HOXA6: variants seen among roughly 807,000 people sequenced by gnomAD.
HOXA6 encodes homeobox protein Hox-A6.
In HOXA6, 19 loss-of-function variants were observed where a neutral mutation model predicts 23.2. The ratio of observed to expected loss-of-function variants is 0.82; its 90% CI spans 0.57 to 1.20. The LOEUF (loss-of-function observed/expected upper bound fraction) is 1.20, where lower values mean the gene tolerates loss of function less well. Among genes scored for constraint, HOXA6 ranks in the 50% most tolerant of loss-of-function variants. The probability of loss-of-function intolerance (pLI) is 0.00; values close to 1 mark genes in which losing one functional copy is unlikely to be tolerated. For missense variants in HOXA6, 346 were observed against 313.6 expected (o/e 1.10, Z -0.78); for synonymous variants, 140 against 132.6 (o/e 1.06, Z -0.38).
intron 1 of HOXA6, chr7:27,147,060 G>A: frequency 1.8e-6 from 1 of 559,868 alleles, no homozygotes; most frequent in Non-Finnish European, 3.2e-6. Flanking sequence ...TCATATACGT[G>A]CCAGTGCCCC....
intron 1 of HOXA6, among the ~76,000 whole-genome samples, chr7:27,146,705 A>G (rs1266763718): frequency 6.6e-6 from 1 of 152,122 alleles, no homozygotes; most frequent in African/African-American, 2.4e-5. Context: ...AGACAGGTGT[A>G]TGAAGCTCAG....
At chr7:27,146,954 T>G (rs983952328) in intron 1 of HOXA6, among the ~76,000 whole-genome samples, 1 of 152,162 alleles carries the variant, frequency 6.6e-6, no homozygotes, top group African/African-American at 2.4e-5. Context: ...AAAGGCCCTC[T>G]GGCTTGGGAA....
chr7:27,147,142 C>G lies in HOXA6; in HGVS notation c.442+166G>C, dbSNP rs1170371041. On this transcript the variant is annotated intron_variant, in intron 1 of 1. Coordinates refer to ENST00000222728, the MANE Select transcript of HOXA6 (RefSeq NM_024014.4). ...CTTCCTCTGCCATGGCCTGATAGCCCCATTGGGAACTGATTTTTTCTTCTC... is the reference window on the plus strand; with the variant it reads ...CTTCCTCTGCCATGGCCTGATAGCCGCATTGGGAACTGATTTTTTCTTCTC... 4.3e-6 allele frequency: 3 copies of G among 704,464 alleles called. No homozygotes were observed. The East Asian group carries it at 8.1e-5, about 19-fold the overall frequency. The allele number at this position is 704,464 out of a possible 1,614,324, so 43.6% of individuals were successfully genotyped here.
intron 1 of HOXA6, among the ~76,000 whole-genome samples, chr7:27,146,504 A>AT (rs370658712): frequency 2.9e-4 from 44 of 152,206 alleles, no homozygotes; most frequent in African/African-American, 9.7e-4. Context: ...AAACATTATA[A>AT]TTTTAACAAT....
rs1782721690 is a variant in HOXA6, at chr7:27,145,452, GT to G, written c.*205del. ...TGGTATTGGCTGTGTGTGAGGTTTT[GT>G]TTTGTTTTGTTTTGTTTTGTTTTGT... On this transcript the variant is annotated 3_prime_UTR_variant, in exon 2 of 2. Coordinates refer to ENST00000222728, the MANE Select transcript of HOXA6 (RefSeq NM_024014.4). The G allele has an allele frequency of 7.2e-6, 4 of 557,884 alleles. No individual in the cohort carries two copies. Among genetic ancestry groups the G allele is most frequent in the East Asian group, 2.8e-5 (1 of 35,388 alleles). The allele number at this position is 557,884 out of a possible 1,614,324, so 34.6% of individuals were successfully genotyped here. A position where few individuals can be genotyped will look rare whatever the true frequency, so the allele number is the denominator to read the frequency against.
chr7:27,147,378 A>C lies in HOXA6; in HGVS notation c.372T>G (p.His124Gln). The C allele has an allele frequency of 2.5e-6, 4 of 1,614,096 alleles. No homozygotes were observed. The highest frequency in any genetic ancestry group is 3.4e-6 in the Non-Finnish European group (4 of 1,180,018). Residue 124 changes from histidine (H) to glutamine (Q), a missense_variant, in exon 1 of 2, where the codon CAT (histidine) becomes CAG (glutamine). Transcript: ENST00000222728. ...TGTACTTCCGGTCGGCGCCTTCGTCATGGAGTGCTTTGCCCTGCCCGCTGC... is the reference window on the plus strand; with the variant it reads ...TGTACTTCCGGTCGGCGCCTTCGTCCTGGAGTGCTTTGCCCTGCCCGCTGC... The part of the protein sequence containing the change: ...DSSSGQGKAL[H>Q]DEGADRKYTS...
chr7:27,145,930 A>T lies in HOXA6; in HGVS notation c.443-13T>A, dbSNP rs753066543. On this transcript the variant is annotated splice_polypyrimidine_tract_variant and intron_variant, in intron 1 of 1. Transcript: ENST00000222728. Reference sequence around the variant, plus strand: ...CCATACACAGCACCTACGAGCAGAAACGGCCGGGCGCCGGTAAGCCAGGGC... The same window carrying T: ...CCATACACAGCACCTACGAGCAGAATCGGCCGGGCGCCGGTAAGCCAGGGC... 9.9e-6 allele frequency: 16 copies of T among 1,608,740 alleles called. No individual in the cohort carries two copies. The highest frequency in any genetic ancestry group is 1.2e-5 in the Non-Finnish European group (14 of 1,177,730).
Position 27,145,634 on chromosome 7 carries a change from C to T in HOXA6, c.*24G>A. ...GGCAAAGCCGAAGGAGGTTGCAGCG[C>T]TGGCCTGGTCCCTGCCCAGGCATCT... On this transcript the variant is annotated 3_prime_UTR_variant, in exon 2 of 2. Transcript: ENST00000222728. 6.2e-7 allele frequency: 1 copy of T among 1,605,678 alleles called. No individual in the cohort carries two copies. The highest frequency in any genetic ancestry group is 2.2e-5 in the East Asian group (1 of 44,800).
In HOXA6 at chr7:27,147,385, G is replaced by A. The variant is rs1174205325; in HGVS notation, c.365C>T (p.Ala122Val). The change falls in exon 1 of 2, where the codon GCA (alanine) becomes GTA (valine). Residue 122 changes from alanine (A) to valine (V), a missense_variant. Transcript: ENST00000222728. ...KPDSSSGQGK[A>V]LHDEGADRKY... ...CCGGTCGGCGCCTTCGTCATGGAGT[G>A]CTTTGCCCTGCCCGCTGCTGCTGTC... 6.2e-7 allele frequency: 1 copy of A among 1,614,088 alleles called. No individual in the cohort carries two copies. The highest frequency in any genetic ancestry group is 8.5e-7 in the Non-Finnish European group (1 of 1,180,046).
At position 27,145,692 on chromosome 7, in the gene HOXA6, C is replaced by T; in HGVS notation, c.668G>A (p.Ser223Asn). 2.5e-6 allele frequency: 4 copies of T among 1,614,174 alleles called. No individual in the cohort carries two copies. The highest frequency in any genetic ancestry group is 3.4e-6 in the Non-Finnish European group (4 of 1,180,030). Residue 223 changes from serine (S) to asparagine (N), a missense_variant, in exon 2 of 2, where the codon AGC becomes AAC. Ser to Asn is a conservative substitution (Grantham distance 46, BLOSUM62 1). Coordinates refer to ENST00000222728, the MANE Select transcript of HOXA6 (RefSeq NM_024014.4). ...CGCCTTTGCCTCTGAGTCCTCCCCG[C>T]TGGGCTGCGTGGAATTGATGAGCTT... is the stretch of plus-strand genomic sequence containing the variant. Reference protein sequence around the residue: ...ENKLINSTQPSGEDSEAKAGE With the variant: ...ENKLINSTQPNGEDSEAKAGE
At position 27,147,369 on chromosome 7, in the gene HOXA6, G is replaced by C; in HGVS notation, c.381C>G (p.Gly127=). 3 of 1,614,156 alleles carry C rather than the reference G, an allele frequency of 1.9e-6. No individual in the cohort carries two copies. The highest frequency in any genetic ancestry group is 2.5e-6 in the Non-Finnish European group (3 of 1,180,032). ...CCGGGCTCGTGTACTTCCGGTCGGCGCCTTCGTCATGGAGTGCTTTGCCCT... is the reference window on the plus strand; with the variant it reads ...CCGGGCTCGTGTACTTCCGGTCGGCCCCTTCGTCATGGAGTGCTTTGCCCT... ...SGQGKALHDE[G]ADRKYTSPVY... The change falls in exon 1 of 2, where the codon GGC becomes GGG. Residue 127 remains glycine (G), a synonymous_variant. Transcript: ENST00000222728.
In HOXA6 at chr7:27,147,478, G is replaced by T. The variant is rs781129112; in HGVS notation, c.272C>A (p.Ser91Ter). 7 of 1,613,926 alleles carry T rather than the reference G, an allele frequency of 4.3e-6. No homozygotes were observed. The highest frequency in any genetic ancestry group is 1.7e-5 in the Admixed American group (1 of 60,002). The change falls in exon 1 of 2, where the codon TCG becomes TAG. Residue 91 changes from serine to a stop codon, truncating the protein, a stop_gained. Coordinates refer to ENST00000222728, the MANE Select transcript of HOXA6 (RefSeq NM_024014.4). LOFTEE classifies it high-confidence loss of function. ...SDKDLSGASP[S>*]GSGKQRGPGD... is the part of the protein sequence containing the mutation. The stretch of plus-strand genomic sequence containing the variant: ...GGGGCCCCTCTGCTTGCCACTGCCC[G>T]AGGGCGAGGCGCCACTGAGGTCCTT...
chr7:27,147,416 T>A lies in HOXA6; in HGVS notation c.334A>T (p.Lys112Ter). The A allele has an allele frequency of 6.2e-7, 1 of 1,614,212 alleles. No individual in the cohort carries two copies. Among genetic ancestry groups the A allele is most frequent in the African/African-American group, 1.3e-5 (1 of 75,046 alleles). The stretch of plus-strand genomic sequence containing the variant: ...CCCTGCCCGCTGCTGCTGTCGGGTT[T>A]GTACTGCTGCTCGGGAGAAAAGTGC... ...YLHFSPEQQYKPDSSSGQGKA... is the reference protein window; with the variant it reads ...YLHFSPEQQY Residue 112 changes from lysine (K) to a stop codon, truncating the protein, a stop_gained, in exon 1 of 2, where the codon AAA becomes TAA. Transcript: ENST00000222728. LOFTEE classifies it high-confidence loss of function.
At position 27,145,943 on chromosome 7, in the gene HOXA6, G is replaced by A. The variant is rs568413914; in HGVS notation, c.443-26C>T. On this transcript the variant is annotated intron_variant, in intron 1 of 1. Coordinates refer to ENST00000222728, the MANE Select transcript of HOXA6 (RefSeq NM_024014.4). Reference sequence around the variant, plus strand: ...CTACGAGCAGAAACGGCCGGGCGCCGGTAAGCCAGGGCCTGGAGGGTTGAC... The same window carrying A: ...CTACGAGCAGAAACGGCCGGGCGCCAGTAAGCCAGGGCCTGGAGGGTTGAC... 5.6e-6 allele frequency: 9 copies of A among 1,601,328 alleles called. No individual in the cohort carries two copies. In the African/African-American group the frequency reaches 6.7e-5, roughly 12 times the overall value.
chr7:27,147,757 C>T lies in HOXA6; in HGVS notation c.-8G>A. ...CACAAAATAGGAACTCATTTGCGCG[C>T]CCCTCTGCAGGACTGTGATTTGTTG... On this transcript the variant is annotated 5_prime_UTR_variant, in exon 1 of 2. Coordinates refer to ENST00000222728, the MANE Select transcript of HOXA6 (RefSeq NM_024014.4). 6.2e-7 allele frequency: 1 copy of T among 1,600,812 alleles called. No individual in the cohort carries two copies. The highest frequency in any genetic ancestry group is 1.1e-5 in the South Asian group (1 of 90,716).
At position 27,145,827 on chromosome 7, in the gene HOXA6, CG is replaced by C. The variant is rs746325517; in HGVS notation, c.532del (p.Arg178AlafsTer3). The stretch of plus-strand genomic sequence containing the variant: ...GATGCGGCGGCGCCGTGTCAGGTAG[CG>C]GTTGAAGTGGAACTCCTTCTCCAGC... The part of the protein sequence containing the change: ...LELEKEFHFN[R>X]YLTRRRRIEI... On this transcript the variant is annotated frameshift_variant, in exon 2 of 2. Coordinates refer to ENST00000222728, the MANE Select transcript of HOXA6 (RefSeq NM_024014.4). LOFTEE classifies it high-confidence loss of function. 11 of 1,614,118 alleles carry C rather than the reference CG, an allele frequency of 6.8e-6. No individual in the cohort carries two copies. Among genetic ancestry groups the C allele is most frequent in the African/African-American group, 2.7e-5 (2 of 74,940 alleles).
chr7:27,146,270 TG>T (rs1782766317), intron 1 of HOXA6, among the ~76,000 whole-genome samples: 1 of 151,668 alleles, frequency 6.6e-6, no homozygotes, highest in Non-Finnish European at 1.5e-5. Flanking sequence ...TGTGTGTGTG[TG>T]TGTCTGGGGT....
rs1007628772 is a variant in HOXA6, at chr7:27,145,416, C to T, written c.*242G>A. Reference sequence around the variant, plus strand: ...GGGACTGGGTGTGTGCAGTGCGCCCCGCTCCACCGCTGGTATTGGCTGTGT... The same window carrying T: ...GGGACTGGGTGTGTGCAGTGCGCCCTGCTCCACCGCTGGTATTGGCTGTGT... On this transcript the variant is annotated 3_prime_UTR_variant, in exon 2 of 2. Transcript: ENST00000222728. 3.3e-6 allele frequency: 2 copies of T among 608,728 alleles called. No individual in the cohort carries two copies. Among genetic ancestry groups the T allele is most frequent in the East Asian group, 5.8e-5 (2 of 34,494 alleles). The allele number at this position is 608,728 out of a possible 1,614,324, so 37.7% of individuals were successfully genotyped here.
Position 27,147,383 on chromosome 7 carries a change from G to A in HOXA6, c.367C>T (p.Leu123Phe). 6.2e-7 allele frequency: 1 copy of A among 1,614,186 alleles called. No homozygotes were observed. The highest frequency in any genetic ancestry group is 8.5e-7 in the Non-Finnish European group (1 of 1,180,044). Reference sequence around the variant, plus strand: ...TTCCGGTCGGCGCCTTCGTCATGGAGTGCTTTGCCCTGCCCGCTGCTGCTG... The same window carrying A: ...TTCCGGTCGGCGCCTTCGTCATGGAATGCTTTGCCCTGCCCGCTGCTGCTG... Reference protein sequence around the residue: ...PDSSSGQGKALHDEGADRKYT... With the variant: ...PDSSSGQGKAFHDEGADRKYT... Residue 123 changes from leucine (L) to phenylalanine (F), a missense_variant, in exon 1 of 2, where the codon CTC becomes TTC. Leu to Phe is a conservative substitution (Grantham distance 22, BLOSUM62 0). Transcript: ENST00000222728.
Sources: allele counts gnomAD v4.1 joint callset (sites outside exome capture counted in the v4.1 genomes callset), GRCh38; gene constraint gnomAD v4.1.1; transcripts MANE v1.5; gene names NCBI Gene and HGNC (gene_info 2026-07-23, HGNC 2026-07-21).